GANC: variants seen among roughly 807,000 people sequenced by gnomAD.
The protein encoded by GANC is neutral alpha-glucosidase C.
Under a neutral mutation model 124.2 loss-of-function variants are expected in GANC, and 117 were observed. That is an observed-to-expected ratio of 0.94 (90% CI 0.81 to 1.10). The LOEUF (loss-of-function observed/expected upper bound fraction) is 1.10. Among genes scored for constraint, GANC ranks in the 50% least tolerant of loss-of-function variants. GANC has a pLI of 0.00. For missense variants in GANC, 1,140 were observed against 1,095.0 expected (o/e 1.04, Z -0.58); for synonymous variants, 377 against 376.8 (o/e 1.00, Z -0.01).
rs543327809 is a variant in GANC, at chr15:42,288,549, C to T, written c.329+731C>T. Among the ~76,000 whole-genome samples the T allele has an allele frequency of 6.8e-3, 1,033 of 152,052 alleles. 7 individuals carry two copies. The highest frequency in any genetic ancestry group is 0.017 in the Middle Eastern group (5 of 292). On this transcript the variant is annotated intron_variant, in intron 4 of 23. Transcript: ENST00000318010. Reference sequence around the variant, plus strand: ...TGTAGTTTTATGTAGATTATTTTTTCCATGAAAATCTTATAAAAGGTCAAT... The same window carrying T: ...TGTAGTTTTATGTAGATTATTTTTTTCATGAAAATCTTATAAAAGGTCAAT...
In GANC at chr15:42,352,740, T is replaced by A. The variant is rs983897131; in HGVS notation, c.*601T>A. 2.4e-5 allele frequency: 24 copies of A among 984,926 alleles called. No homozygotes were observed. The African/African-American group carries it at 3.7e-4, about 15-fold the overall frequency. 61.0% of individuals were successfully genotyped at this position (984,926 alleles called of 1,614,324 possible). Reference sequence around the variant, plus strand: ...TTCATGCTTCTCAGGCTCAATAGTTTCTAATTAATCTTAAAATCCATGTCT... The same window carrying A: ...TTCATGCTTCTCAGGCTCAATAGTTACTAATTAATCTTAAAATCCATGTCT... On this transcript the variant is annotated 3_prime_UTR_variant, in exon 24 of 24. Transcript: ENST00000318010.
At chr15:42,348,775 A>G (rs2052391453) in intron 21 of GANC, among the ~76,000 whole-genome samples, 1 of 152,286 alleles carries the variant, frequency 6.6e-6, no homozygotes, top group South Asian at 2.1e-4. Flanking sequence ...TACTCTTACT[A>G]TATTAATACT....
At chr15:42,318,380 C>T (rs1334467585) in intron 10 of GANC, among the ~76,000 whole-genome samples, 1 of 152,146 alleles carries the variant, frequency 6.6e-6, no homozygotes, top group Non-Finnish European at 1.5e-5. Flanking sequence ...TGATAATTTG[C>T]CTGGCAAGAC....
At position 42,308,329 on chromosome 15, in the gene GANC, A is replaced by G. The variant is rs1485091182; in HGVS notation, c.722+11A>G. ...ACTTAAAAATACTGGGTAAGTGAAA[A>G]CAAGAATTCTTATGGGAGTCTCTGG... is the stretch of plus-strand genomic sequence containing the variant. On this transcript the variant is annotated intron_variant, in intron 8 of 23. Coordinates refer to ENST00000318010, the MANE Select transcript of GANC (RefSeq NM_198141.3). 2 of 1,551,252 alleles carry G rather than the reference A, an allele frequency of 1.3e-6. No homozygotes were observed. Among genetic ancestry groups the G allele is most frequent in the East Asian group, 2.3e-5 (1 of 44,272 alleles).
At chr15:42,293,964 T>C (rs1268655165) in intron 5 of GANC, among the ~76,000 whole-genome samples, 1 of 151,418 alleles carries the variant, frequency 6.6e-6, no homozygotes. Flanking sequence ...GGTAGGAGGA[T>C]CACTTGAGCC....
At chr15:42,287,565 C>T in intron 3 of GANC, 126 bp from the exon 4 acceptor site, 1 of 911,654 alleles carries the variant, frequency 1.1e-6, no homozygotes, top group Non-Finnish European at 1.6e-6. Context: ...TTTTAATTGC[C>T]ATTGTTCTCC....
intron 3 of GANC, chr15:42,283,691 A>C: frequency 1.4e-6 from 1 of 702,584 alleles, no homozygotes; most frequent in Middle Eastern, 2.3e-4. Flanking sequence ...CACCTCTGTG[A>C]AGTTACCCCT....
chr15:42,351,524 G>A, intron 23 of GANC, 92 bp downstream of exon 23: 1 of 895,660 alleles, frequency 1.1e-6, no homozygotes, highest in Non-Finnish European at 1.8e-6. Flanking sequence ...GAGATAATAT[G>A]CTGAGCCTGA....
intron 13 of GANC, among the ~76,000 whole-genome samples, chr15:42,328,150 G>T (rs1474485249): frequency 1.3e-5 from 2 of 152,164 alleles, no homozygotes; most frequent in Non-Finnish European, 2.9e-5. Context: ...TTGAACTCAG[G>T]TCTGTTTGTG....
chr15:42,303,907 G>A (rs2051970389), intron 6 of GANC, among the ~76,000 whole-genome samples: 1 of 152,070 alleles, frequency 6.6e-6, no homozygotes, highest in African/African-American at 2.4e-5. Flanking sequence ...ATAATAGTGG[G>A]AGACTTTAAC....
At chr15:42,348,925 T>C (rs1432830804) in intron 21 of GANC, among the ~76,000 whole-genome samples, 2 of 152,206 alleles carry the variant, frequency 1.3e-5, no homozygotes, top group Non-Finnish European at 2.9e-5. Flanking sequence ...TACAAAAGAC[T>C]AGCGATCCAT....
chr15:42,327,199 A>G (rs753083689), intron 12 of GANC, among the ~76,000 whole-genome samples, 164 bp from the exon 13 acceptor site: 6 of 152,180 alleles, frequency 3.9e-5, no homozygotes, highest in Non-Finnish European at 7.3e-5. Context: ...GGAGCCCAGC[A>G]TTACCTTCCT....
At chr15:42,311,753 A>G (rs999604789) in intron 10 of GANC, among the ~76,000 whole-genome samples, 2 of 152,132 alleles carry the variant, frequency 1.3e-5, no homozygotes, top group African/African-American at 4.8e-5. Flanking sequence ...TCCATGATCC[A>G]GTCATCTCCC....
chr15:42,283,229 G>A (rs2051751518), intron 3 of GANC, among the ~76,000 whole-genome samples: 1 of 152,196 alleles, frequency 6.6e-6, no homozygotes, highest in Non-Finnish European at 1.5e-5. Context: ...GTGTTCAGAT[G>A]CATAAGTTTT....
intron 16 of GANC, 111 bp downstream of exon 16, chr15:42,338,601 G>GA (rs1478033936): frequency 2.6e-6 from 2 of 772,102 alleles, no homozygotes; most frequent in Non-Finnish European, 4.4e-6. Context: ...AGACATAAAT[G>GA]TGGGAAAGAA....
chr15:42,341,877 C>A (rs1174114268), intron 18 of GANC, among the ~76,000 whole-genome samples: 4 of 152,046 alleles, frequency 2.6e-5, no homozygotes, highest in African/African-American at 9.7e-5. Context: ...TTTCTGAGTT[C>A]TTTTAAGTCT....
At position 42,326,412 on chromosome 15, in the gene GANC, G is replaced by A. The variant is rs750528339; in HGVS notation, c.1408G>A (p.Val470Met). Residue 470 changes from valine to methionine, a missense_variant, in exon 12 of 24, where the codon GTG becomes ATG. Val to Met is a conservative substitution (Grantham distance 21). Coordinates refer to ENST00000318010, the MANE Select transcript of GANC (RefSeq NM_198141.3). ...TCAGGAAGGGGAAGACTTTGAAGGG[G>A]TGTGTTGGCCAGGTATGAAATCACT... ...KNQEGEDFEG[V>M]CWPGLSSYLD... 6 of 1,613,816 alleles carry A rather than the reference G, an allele frequency of 3.7e-6. No individual in the cohort carries two copies. In the Admixed American group the frequency reaches 6.7e-5, roughly 18 times the overall value.
intron 6 of GANC, 36 bp from the exon 7 acceptor site, chr15:42,306,510 T>A: frequency 2.6e-6 from 4 of 1,552,896 alleles, no homozygotes; most frequent in Non-Finnish European, 3.5e-6. Flanking sequence ...TGTTGCAATT[T>A]GTAAACTCAG....
rs1272052046 is a variant in GANC at position 42,308,305 on chromosome 15, C to G, written c.709C>G (p.Leu237Val). The G allele has an allele frequency of 1.9e-6, 3 of 1,600,268 alleles. No individual in the cohort carries two copies. The highest frequency in any genetic ancestry group is 1.7e-6 in the Non-Finnish European group (2 of 1,168,644). The change falls in exon 8 of 24, where the codon CTT becomes GTT. Residue 237 changes from leucine (L) to valine (V), a missense_variant. Physicochemically the swap from Leu to Val is conservative, Grantham distance 32. Coordinates refer to ENST00000318010, the MANE Select transcript of GANC (RefSeq NM_198141.3). The stretch of plus-strand genomic sequence containing the variant: ...CCCACAACATGCAGAATCACACCAA[C>G]TTAAAAATACTGGGTAAGTGAAAAC... ...GIPQHAESHQ[L>V]KNTGDGDAYR...
Sources: allele counts gnomAD v4.1 joint callset (sites outside exome capture counted in the v4.1 genomes callset), GRCh38; gene constraint gnomAD v4.1.1; transcripts MANE v1.5; gene names NCBI Gene and HGNC (gene_info 2026-07-23, HGNC 2026-07-21).